Variants in NUDCD3 observed in about 807,000 individuals in gnomAD.
NUDCD3 encodes NudC domain containing 3.
NUDCD3 carries 13 observed loss-of-function variants against 39.7 expected under a neutral mutation model. The ratio of observed to expected loss-of-function variants is 0.33; its 90% CI spans 0.21 to 0.52. The LOEUF (loss-of-function observed/expected upper bound fraction) is 0.52. Ranked by LOEUF, NUDCD3 falls within the 20% of genes least tolerant of loss-of-function variation. The pLI is 0.96. For missense variants in NUDCD3, 453 were observed against 458.1 expected, an observed-to-expected ratio of 0.99 and a Z score of 0.10; for synonymous variants, 175 against 172.4, an observed-to-expected ratio of 1.02 and a Z score of -0.12.
chr7:44,448,461 C>T (rs968803419), intron 2 of NUDCD3, among the ~76,000 whole-genome samples: 9 of 152,186 alleles, frequency 5.9e-5, no homozygotes, highest in African/African-American at 2.2e-4. Context: ...GTAATTCTGT[C>T]TTACACTTAA....
intron 3 of NUDCD3, chr7:44,426,089 G>A (rs1188842913): frequency 3.1e-6 from 3 of 982,198 alleles, no homozygotes; most frequent in Admixed American, 6.1e-5. Context: ...CTTCATCGCT[G>A]TGACCTGGGT....
intron 5 of NUDCD3, among the ~76,000 whole-genome samples, chr7:44,389,154 T>G (rs1042105258): frequency 6.6e-6 from 1 of 152,250 alleles, no homozygotes; most frequent in Non-Finnish European, 1.5e-5. Flanking sequence ...GGGATGCCAG[T>G]TGCACCCTAT....
chr7:44,479,645 AACATGTCAAGT>A (rs1445585300), intron 2 of NUDCD3, among the ~76,000 whole-genome samples: 1 of 152,176 alleles, frequency 6.6e-6, no homozygotes, highest in African/African-American at 2.4e-5. Flanking sequence ...AGAACCGAAA[AACATGTCAAGT>A]AAGAGTCATC....
chr7:44,410,137 A>G (rs1382250106), intron 3 of NUDCD3, among the ~76,000 whole-genome samples: 3 of 152,214 alleles, frequency 2.0e-5, no homozygotes, highest in Non-Finnish European at 4.4e-5. Flanking sequence ...ATTTGACATG[A>G]AAAAAATTAC....
intron 2 of NUDCD3, among the ~76,000 whole-genome samples, chr7:44,456,618 T>C (rs1354656310): frequency 6.6e-6 from 1 of 152,090 alleles, no homozygotes; most frequent in Middle Eastern, 3.2e-3. Flanking sequence ...TAGCTAGGCA[T>C]GGTGGCACAT....
chr7:44,421,130 G>A (rs1472766228), intron 3 of NUDCD3, among the ~76,000 whole-genome samples: 2 of 152,034 alleles, frequency 1.3e-5, no homozygotes, highest in East Asian at 1.9e-4. Flanking sequence ...TCAGGAGTTC[G>A]AGACCAGTCT....
At position 44,421,328 on chromosome 7, in the gene NUDCD3, G is replaced by A. The variant is rs1585067569; in HGVS notation, c.642+6243C>T. Among the ~76,000 whole-genome samples, 9 of 79,050 alleles carry A rather than the reference G, an allele frequency of 1.1e-4. No homozygotes were observed. The South Asian group carries it at 3.3e-3, about 29-fold the overall frequency. The allele number at this position is 79,050 out of a possible 152,430, so 51.9% of individuals were successfully genotyped here. ...AGCATGGGCAACAGAGCAAGACTCC[G>A]TCTAAAAAAAAAAAAAAAAAACCAC... On this transcript the variant is annotated intron_variant, in intron 3 of 5. Coordinates refer to ENST00000355451, the MANE Select transcript of NUDCD3 (RefSeq NM_015332.4).
intron 3 of NUDCD3, among the ~76,000 whole-genome samples, chr7:44,412,114 C>T (rs564354122): frequency 2.1e-4 from 32 of 152,346 alleles, no homozygotes; most frequent in African/African-American, 7.2e-4. Flanking sequence ...TGAGGCCCCT[C>T]TAAGACTAGG....
In NUDCD3 at chr7:44,456,037, A is replaced by C. The variant is rs1434184710; in HGVS notation, c.510-28334T>G. Among the ~76,000 whole-genome samples the C allele has an allele frequency of 1.2e-4, 16 of 130,326 alleles. No individual in the cohort carries two copies. The South Asian group carries it at 3.1e-3, about 25-fold the overall frequency. 85.5% of individuals were successfully genotyped at this position (130,326 alleles called of 152,430 possible). A position where few individuals can be genotyped will look rare whatever the true frequency, so the allele number is the denominator to read the frequency against. On this transcript the variant is annotated intron_variant, in intron 2 of 5. Transcript: ENST00000355451. Reference sequence around the variant, plus strand: ...CGAGACTCCGTCTCAAAAAAAAAAAAAAAAAAAAAAAAACAAAAAAACAAA... The same window carrying C: ...CGAGACTCCGTCTCAAAAAAAAAAACAAAAAAAAAAAAACAAAAAAACAAA...
At chr7:44,396,012 C>A (rs1431599718) in intron 4 of NUDCD3, among the ~76,000 whole-genome samples, 1 of 152,156 alleles carries the variant, frequency 6.6e-6, no homozygotes, top group African/African-American at 2.4e-5. Context: ...AGCAGCTGCA[C>A]CACTTTACCT....
rs558409807 is a variant in NUDCD3 at position 44,486,045 on chromosome 7, T to C, written c.193-761A>G. On this transcript the variant is annotated intron_variant, in intron 1 of 5. Coordinates refer to ENST00000355451, the MANE Select transcript of NUDCD3 (RefSeq NM_015332.4). ...ATGAGCATGTCTGGCGAAAGAAATC[T>C]AGGGAGACTTCTTGGAACAAGGAGG... is the stretch of plus-strand genomic sequence containing the variant. Among the ~76,000 whole-genome samples the C allele has an allele frequency of 4.6e-5, 7 of 152,336 alleles. No homozygotes were observed. In the South Asian group the frequency reaches 1.4e-3, roughly 32 times the overall value.
At chr7:44,387,100 T>A (rs1462005738) in intron 5 of NUDCD3, among the ~76,000 whole-genome samples, 3 of 152,230 alleles carry the variant, frequency 2.0e-5, no homozygotes, top group Non-Finnish European at 4.4e-5. Context: ...GCTGTGGGAT[T>A]CTCAGCACCA....
At chr7:44,453,472 A>G (rs151151739) in intron 2 of NUDCD3, among the ~76,000 whole-genome samples, 96 of 152,336 alleles carry the variant, frequency 6.3e-4, no homozygotes, top group African/African-American at 2.2e-3. Context: ...TTCCAACCCA[A>G]AGGAGAAAGC....
chr7:44,471,491 T>A (rs534658072), intron 2 of NUDCD3, among the ~76,000 whole-genome samples: 29 of 152,212 alleles, frequency 1.9e-4, no homozygotes, highest in South Asian at 1.2e-3. Context: ...TCAGTCCCAC[T>A]CCCCTCCTCC....
rs1030462711 is a variant in NUDCD3 at position 44,404,301 on chromosome 7, C to T, written c.786+139G>A. ...CGATCTCTGAGCAGTATGGAAAATG[C>T]TCAGGAAAACCCATCTGCCCCAGCA... On this transcript the variant is annotated intron_variant, in intron 4 of 5. Coordinates refer to ENST00000355451, the MANE Select transcript of NUDCD3 (RefSeq NM_015332.4). 3.8e-5 allele frequency: 31 copies of T among 822,078 alleles called. No homozygotes were observed. The African/African-American group carries it at 4.8e-4, about 13-fold the overall frequency. The allele number at this position is 822,078 out of a possible 1,614,324, so 50.9% of individuals were successfully genotyped here. A position where few individuals can be genotyped will look rare whatever the true frequency, so the allele number is the denominator to read the frequency against.
chr7:44,384,658 T>C lies in NUDCD3; in HGVS notation c.*1353A>G, dbSNP rs918312381. The C allele has an allele frequency of 2.6e-5, 4 of 152,310 alleles. No homozygotes were observed. Among genetic ancestry groups the C allele is most frequent in the African/African-American group, 9.6e-5 (4 of 41,454 alleles). 9.4% of individuals were successfully genotyped at this position (152,310 alleles called of 1,614,324 possible). On this transcript the variant is annotated 3_prime_UTR_variant, in exon 6 of 6. Coordinates refer to ENST00000355451, the MANE Select transcript of NUDCD3 (RefSeq NM_015332.4). The stretch of plus-strand genomic sequence containing the variant: ...GACCTTCCCCTGACAATAGGCCCTC[T>C]TAGCATCTGCGGGCCTTGATTCTTG...
intron 4 of NUDCD3, among the ~76,000 whole-genome samples, chr7:44,395,732 C>A (rs1195033990): frequency 1.3e-5 from 2 of 152,314 alleles, no homozygotes; most frequent in East Asian, 3.9e-4. Context: ...CAATGTTCAT[C>A]TATGTTGTAG....
At chr7:44,475,240 T>C (rs1352222189) in intron 2 of NUDCD3, among the ~76,000 whole-genome samples, 2 of 151,556 alleles carry the variant, frequency 1.3e-5, no homozygotes, top group African/African-American at 4.9e-5. Flanking sequence ...GCTTCCCGAG[T>C]AGCTGGGACT....
intron 2 of NUDCD3, among the ~76,000 whole-genome samples, chr7:44,438,723 T>C (rs1406713035): frequency 1.3e-5 from 2 of 152,102 alleles, no homozygotes; most frequent in African/African-American, 2.4e-5. Flanking sequence ...ACAGTATTTT[T>C]CAAAGGGGAG....
Sources: gnomAD v4.1 joint callset for allele counts (sites outside exome capture counted in the v4.1 genomes callset) on GRCh38, gnomAD v4.1.1 for gene constraint, MANE v1.5 for transcripts, NCBI Gene and HGNC (gene_info 2026-07-23, HGNC 2026-07-21) for gene names.